TEFM: variants seen among roughly 807,000 people sequenced by gnomAD.
TEFM encodes transcription elongation factor, mitochondrial.
TEFM carries 14 observed loss-of-function variants against 23.0 expected under a neutral mutation model. The ratio of observed to expected loss-of-function variants is 0.61; its 90% CI spans 0.40 to 0.95. The LOEUF (loss-of-function observed/expected upper bound fraction) is 0.95, where lower values mean the gene tolerates loss of function less well. Ranked by LOEUF, TEFM falls within the 40% of genes least tolerant of loss-of-function variation. TEFM has a pLI of 0.00. For synonymous variants in TEFM, 155 were observed against 158.3 expected (o/e 0.98, Z 0.16); for missense variants, 386 against 425.5 (o/e 0.91, Z 0.82).
intron 1 of TEFM, among the ~76,000 whole-genome samples, chr17:30,905,060 C>G (rs1910137979): frequency 6.6e-6 from 1 of 152,012 alleles, no homozygotes; most frequent in African/African-American, 2.4e-5. Flanking sequence ...TTTCAAGTCA[C>G]GAGAGATGTC....
intron 3 of TEFM, 48 bp downstream of exon 3, chr17:30,900,365 A>G: frequency 6.3e-7 from 1 of 1,586,438 alleles, no homozygotes; most frequent in Non-Finnish European, 8.6e-7. Flanking sequence ...AGATTAAACT[A>G]CACAAGGAGC....
At chr17:30,900,156 A>G (rs1164979007) in intron 3 of TEFM, 3 of 429,690 alleles carry the variant, frequency 7.0e-6, no homozygotes, top group Non-Finnish European at 1.2e-5. Context: ...AAAGAGTGAT[A>G]ATGTTCTATA....
Position 30,904,164 on chromosome 17 carries a change from T to C in TEFM, c.397A>G (p.Ile133Val), listed in dbSNP as rs935966683. 6.2e-7 allele frequency: 1 copy of C among 1,614,188 alleles called. No homozygotes were observed. The highest frequency in any genetic ancestry group is 8.5e-7 in the Non-Finnish European group (1 of 1,180,016). The change falls in exon 2 of 4, where the codon ATA (isoleucine) becomes GTA (valine). Residue 133 changes from isoleucine (I) to valine (V), a missense_variant. Ile to Val is a conservative substitution (Grantham distance 29). Transcript: ENST00000581216. ...YKSTVQVCNS[I>V]LCPKTGREKR... is the part of the protein sequence containing the mutation. ...TCCCGTCCAGTCTTTGGACAAAGTATGGAGTTACAAACTTGAACTGTACTT... is the reference window on the plus strand; with the variant it reads ...TCCCGTCCAGTCTTTGGACAAAGTACGGAGTTACAAACTTGAACTGTACTT...
chr17:30,899,404 T>C lies in TEFM; in HGVS notation c.848A>G (p.Lys283Arg). 5 of 1,614,196 alleles carry C rather than the reference T, an allele frequency of 3.1e-6. No individual in the cohort carries two copies. Among genetic ancestry groups the C allele is most frequent in the Non-Finnish European group, 4.2e-6 (5 of 1,179,988 alleles). The change falls in exon 4 of 4, where the codon AAG becomes AGG. Residue 283 changes from lysine to arginine, a missense_variant. Coordinates refer to ENST00000581216, the MANE Select transcript of TEFM (RefSeq NM_024683.4). ...GTCACCAATCATCAGTTCAAAATGC[T>C]TCCCCACTGCATTTCGATTCATGCT... ...VLSMNRNAVG[K>R]HFELMIGDSR... is the part of the protein sequence containing the mutation.
chr17:30,899,309 C>A lies in TEFM; in HGVS notation c.943G>T (p.Val315Leu). 6.2e-7 allele frequency: 1 copy of A among 1,614,172 alleles called. No homozygotes were observed. Among genetic ancestry groups the A allele is most frequent in the Non-Finnish European group, 8.5e-7 (1 of 1,180,028 alleles). ...ACTATTTTATCTGATGGGAAGAACA[C>A]CCGAGGATCCGCCTTCAGTATAGAA... is the stretch of plus-strand genomic sequence containing the variant. The part of the protein sequence containing the change: ...FDSILKADPR[V>L]FFPSDKIVHY... Residue 315 changes from valine (V) to leucine (L), a missense_variant, in exon 4 of 4, where the codon GTG (valine) becomes TTG (leucine). By Grantham distance (32) the Val-to-Leu change is conservative. Coordinates refer to ENST00000581216, the MANE Select transcript of TEFM (RefSeq NM_024683.4).
chr17:30,903,990 A>T, intron 2 of TEFM, 76 bp downstream of exon 2: 1 of 1,350,098 alleles, frequency 7.4e-7, no homozygotes, highest in Non-Finnish European at 1.0e-6. Flanking sequence ...GCCACTTCCC[A>T]ACCCAATGCC....
intron 1 of TEFM, among the ~76,000 whole-genome samples, chr17:30,905,801 A>C (rs1910157989): frequency 6.6e-6 from 1 of 152,190 alleles, no homozygotes; most frequent in Non-Finnish European, 1.5e-5. Context: ...AGAGGTAAGC[A>C]AGCGGCTGTG....
Position 30,899,317 on chromosome 17 carries a change from T to G in TEFM, c.935A>C (p.Asp312Ala), listed in dbSNP as rs1329399465. ...QFLFDSILKADPRVFFPSDKI... is the reference protein window; with the variant it reads ...QFLFDSILKAAPRVFFPSDKI... ...ATCTGATGGGAAGAACACCCGAGGA[T>G]CCGCCTTCAGTATAGAATCGAAGAG... Residue 312 changes from aspartate to alanine, a missense_variant, in exon 4 of 4, where the codon GAT (aspartate) becomes GCT (alanine). Asp to Ala is a moderately radical substitution (Grantham distance 126). Transcript: ENST00000581216. 1 of 1,614,226 alleles carries G rather than the reference T, an allele frequency of 6.2e-7. No individual in the cohort carries two copies. The highest frequency in any genetic ancestry group is 8.5e-7 in the Non-Finnish European group (1 of 1,180,038).
At chr17:30,902,448 T>C (rs947368042) in intron 2 of TEFM, among the ~76,000 whole-genome samples, 2 of 152,230 alleles carry the variant, frequency 1.3e-5, no homozygotes, top group African/African-American at 2.4e-5. Context: ...GCATGACTTA[T>C]ATCTCCATAA....
At chr17:30,906,038 C>G in intron 1 of TEFM, 130 bp downstream of exon 1, 3 of 1,377,620 alleles carry the variant, frequency 2.2e-6, no homozygotes, top group Admixed American at 3.4e-5. Context: ...CCTCTAGGGT[C>G]AGAGGCTAAT....
chr17:30,902,816 TACACAGG>T (rs1243686087), intron 2 of TEFM, among the ~76,000 whole-genome samples: 1 of 152,156 alleles, frequency 6.6e-6, no homozygotes, highest in African/African-American at 2.4e-5. Context: ...CAAGCAATGT[TACACAGG>T]ACATGAGTTC....
rs377041159 is a variant in TEFM at position 30,904,211 on chromosome 17, T to C, written c.350A>G (p.Asn117Ser). 6.2e-7 allele frequency: 1 copy of C among 1,614,106 alleles called. No individual in the cohort carries two copies. Residue 117 changes from asparagine (N) to serine (S), a missense_variant, in exon 2 of 4, where the codon AAT (asparagine) becomes AGT (serine). By Grantham distance (46) the Asn-to-Ser change is conservative. Coordinates refer to ENST00000581216, the MANE Select transcript of TEFM (RefSeq NM_024683.4). Reference sequence around the variant, plus strand: ...ACTTTTATACTTAAACAAGGGCACATTCATTAAACTCTCTAAATTCTGAAA... The same window carrying C: ...ACTTTTATACTTAAACAAGGGCACACTCATTAAACTCTCTAAATTCTGAAA... ...GPFQNLESLMNVPLFKYKSTV... is the reference protein window; with the variant it reads ...GPFQNLESLMSVPLFKYKSTV...
intron 2 of TEFM, among the ~76,000 whole-genome samples, chr17:30,903,797 G>A (rs1191650392): frequency 6.6e-6 from 1 of 151,980 alleles, no homozygotes; most frequent in Non-Finnish European, 1.5e-5. Flanking sequence ...TACCTACAAT[G>A]CCCTCCTCTC....
chr17:30,899,543 A>G lies in TEFM; in HGVS notation c.709T>C (p.Ser237Pro), dbSNP rs1331960600. ...GGAAACAGAGATGAGTTCTGAATGGAAAGTCCTGTTTTTTCCAGAACATAG... is the reference window on the plus strand; with the variant it reads ...GGAAACAGAGATGAGTTCTGAATGGGAAGTCCTGTTTTTTCCAGAACATAG... ...DFYVLEKTGL[S>P]IQNSSLFPIL... The change falls in exon 4 of 4, where the codon TCC (serine) becomes CCC (proline). Residue 237 changes from serine to proline, a missense_variant. Coordinates refer to ENST00000581216, the MANE Select transcript of TEFM (RefSeq NM_024683.4). 1 of 1,605,972 alleles carries G rather than the reference A, an allele frequency of 6.2e-7. No individual in the cohort carries two copies.
intron 2 of TEFM, 150 bp downstream of exon 2, chr17:30,903,916 T>G: frequency 3.1e-6 from 2 of 644,536 alleles, no homozygotes; most frequent in Non-Finnish European, 5.2e-6. Flanking sequence ...ATTTACTATC[T>G]GTACATCTCA....
intron 2 of TEFM, among the ~76,000 whole-genome samples, chr17:30,902,308 C>T (rs1015994371): frequency 6.6e-6 from 1 of 152,106 alleles, no homozygotes; most frequent in African/African-American, 2.4e-5. Flanking sequence ...GTATAGATGC[C>T]CAAAATACAG....
intron 1 of TEFM, 137 bp from the exon 2 acceptor site, chr17:30,904,666 G>C: frequency 1.7e-6 from 1 of 604,062 alleles, no homozygotes; most frequent in Non-Finnish European, 2.8e-6. Context: ...ATATTAAATT[G>C]TCTTGGAGAA....
chr17:30,905,923 G>A (rs1910160520), intron 1 of TEFM, among the ~76,000 whole-genome samples: 1 of 152,118 alleles, frequency 6.6e-6, no homozygotes, highest in African/African-American at 2.4e-5. Flanking sequence ...CCAAGAGAGG[G>A]GCCTGAACAA....
At chr17:30,899,668 CCT>C (rs1414669497) in intron 3 of TEFM, 62 bp from the exon 4 acceptor site, 17 of 1,091,624 alleles carry the variant, frequency 1.6e-5, no homozygotes, top group Non-Finnish European at 1.9e-5. Flanking sequence ...TGTTTGGTCC[CCT>C]CTCTGTCCCA....
Sources: gnomAD v4.1 joint callset for allele counts (sites outside exome capture counted in the v4.1 genomes callset) on GRCh38, gnomAD v4.1.1 for gene constraint, MANE v1.5 for transcripts, NCBI Gene and HGNC (gene_info 2026-07-23, HGNC 2026-07-21) for gene names.